Variants in DNAJB6 observed in about 807,000 individuals in gnomAD.
The protein encoded by DNAJB6 is DnaJ heat shock protein family (Hsp40) member B6, also known as dnaJ homolog subfamily B member 6.
In DNAJB6, 16 loss-of-function variants were observed where a neutral mutation model predicts 42.7. The ratio of observed to expected loss-of-function variants is 0.37; its 90% CI spans 0.25 to 0.57. The LOEUF is 0.57. Among genes scored for constraint, DNAJB6 ranks in the 20% least tolerant of loss-of-function variants. The pLI is 0.74. For missense variants in DNAJB6, 347 were observed against 416.8 expected (o/e 0.83, Z 1.46); for synonymous variants, 170 against 163.5 (o/e 1.04, Z -0.30).
At chr7:157,357,435 C>A (rs918152249) in intron 1 of DNAJB6, among the ~76,000 whole-genome samples, 3 of 150,602 alleles carry the variant, frequency 2.0e-5, no homozygotes, top group African/African-American at 7.3e-5. Context: ...CTTCAGCCTC[C>A]CGAGTAGCTG....
intron 1 of DNAJB6, among the ~76,000 whole-genome samples, chr7:157,355,696 C>A (rs929997539): frequency 1.3e-5 from 2 of 152,138 alleles, no homozygotes; most frequent in African/African-American, 4.8e-5. Context: ...GCAGGAGGAG[C>A]GCAGAGGTGA....
intron 9 of DNAJB6, chr7:157,411,363 T>C (rs548695985): frequency 2.3e-5 from 2 of 88,576 alleles, no homozygotes; most frequent in South Asian, 4.1e-4. Flanking sequence ...TGGGGAAGGT[T>C]CCCAGGATCC....
chr7:157,370,388 T>G (rs1315632285), intron 5 of DNAJB6, among the ~76,000 whole-genome samples: 1 of 152,214 alleles, frequency 6.6e-6, no homozygotes, highest in Non-Finnish European at 1.5e-5. Flanking sequence ...AGGACCTTCT[T>G]AACATTATTA....
intron 8 of DNAJB6, among the ~76,000 whole-genome samples, chr7:157,401,121 T>G (rs887167404): frequency 4.6e-5 from 7 of 152,244 alleles, no homozygotes; most frequent in Non-Finnish European, 1.0e-4. Context: ...CCTCACCTCC[T>G]GCAGGGCTTA....
chr7:157,338,620 C>T (rs955672077), intron 1 of DNAJB6, among the ~76,000 whole-genome samples: 11 of 152,010 alleles, frequency 7.2e-5, no homozygotes, highest in African/African-American at 2.7e-4. Context: ...AGGCGCGAGC[C>T]ACCGCGCCTC....
chr7:157,390,634 C>G (rs957001565), intron 8 of DNAJB6, among the ~76,000 whole-genome samples: 1 of 152,114 alleles, frequency 6.6e-6, no homozygotes, highest in African/African-American at 2.4e-5. Flanking sequence ...CCGTCTCACC[C>G]AGGGGATGTG....
At position 157,410,020 on chromosome 7, in the gene DNAJB6, C is replaced by T. The variant is rs1004291571; in HGVS notation, c.898+19C>T. ...GCAGCAGGTGTGCAAAGGGAGGCAGCCGTGGAGCAGGCGCAGAGTGAGACT... is the reference window on the plus strand; with the variant it reads ...GCAGCAGGTGTGCAAAGGGAGGCAGTCGTGGAGCAGGCGCAGAGTGAGACT... On this transcript the variant is annotated intron_variant, in intron 9 of 9. Transcript: ENST00000262177. 2 of 1,515,390 alleles carry T rather than the reference C, an allele frequency of 1.3e-6. No homozygotes were observed. The highest frequency in any genetic ancestry group is 1.4e-5 in the African/African-American group (1 of 72,564). 93.9% of individuals were successfully genotyped at this position (1,515,390 alleles called of 1,614,324 possible).
intron 5 of DNAJB6, 102 bp downstream of exon 5, chr7:157,367,585 G>A (rs975472142): frequency 3.8e-6 from 3 of 794,754 alleles, no homozygotes; most frequent in Middle Eastern, 2.3e-4. Flanking sequence ...TTTAGGCTGG[G>A]CGCGGTGGCT....
At chr7:157,352,619 G>T (rs1799051787) in intron 1 of DNAJB6, among the ~76,000 whole-genome samples, 1 of 152,058 alleles carries the variant, frequency 6.6e-6, no homozygotes, top group South Asian at 2.1e-4. Context: ...CATCGCTCCT[G>T]CCTGCTTTTC....
chr7:157,346,846 G>A (rs1206354906), intron 1 of DNAJB6, among the ~76,000 whole-genome samples: 1 of 152,142 alleles, frequency 6.6e-6, no homozygotes, highest in East Asian at 1.9e-4. Context: ...TAGACCTTCA[G>A]CTATTTTCTT....
At chr7:157,384,764 T>C (rs1387695610) in intron 6 of DNAJB6, 103 bp from the exon 7 acceptor site, 2 of 1,167,522 alleles carry the variant, frequency 1.7e-6, no homozygotes, top group Non-Finnish European at 2.5e-6. Context: ...CTCGGTTCTA[T>C]GCCTTAACAT....
In DNAJB6 at chr7:157,386,376, A is replaced by G. The variant is rs967587022; in HGVS notation, c.691+765A>G. 9.1e-5 allele frequency: 86 copies of G among 944,450 alleles called. 1 individual carries two copies. The highest frequency in any genetic ancestry group is 1.0e-4 in the Non-Finnish European group (83 of 792,876). The allele number at this position is 944,450 out of a possible 1,614,324, so 58.5% of individuals were successfully genotyped here. A position where few individuals can be genotyped will look rare whatever the true frequency, so the allele number is the denominator to read the frequency against. On this transcript the variant is annotated intron_variant, in intron 8 of 9. Transcript: ENST00000262177. ...TGCCTGGGCTTCTAGTGTCACTTTAATAGCGTTTCGTGCTGTTCATTCAGG... is the reference window on the plus strand; with the variant it reads ...TGCCTGGGCTTCTAGTGTCACTTTAGTAGCGTTTCGTGCTGTTCATTCAGG...
chr7:157,358,713 T>G, intron 2 of DNAJB6, 76 bp downstream of exon 2: 1 of 1,213,400 alleles, frequency 8.2e-7, no homozygotes, highest in Non-Finnish European at 1.2e-6. Context: ...CTTCTTCTAT[T>G]GCCTATGAAA....
At chr7:157,381,696 C>T (rs1016506905) in intron 5 of DNAJB6, 7 of 151,626 alleles carry the variant, frequency 4.6e-5, no homozygotes, top group African/African-American at 9.7e-5. Flanking sequence ...TTTCCTTTGC[C>T]GAGATTCATC....
rs750884224 is a variant in DNAJB6, at chr7:157,366,512, G to A, written c.186G>A (p.Arg62=). The change falls in exon 4 of 10, where the codon CGG becomes CGA. Residue 62 remains arginine, a synonymous_variant. Transcript: ENST00000262177. ...AYEVLSDAKK[R]DIYDKYGKEG... ...TCTTTCAATTTTTAGCTAAGAAACG[G>A]GACATCTATGACAAATATGGCAAAG... 2 of 1,613,842 alleles carry A rather than the reference G, an allele frequency of 1.2e-6. No individual in the cohort carries two copies. Among genetic ancestry groups the A allele is most frequent in the African/African-American group, 2.7e-5 (2 of 74,924 alleles).
At chr7:157,389,923 A>T (rs1801258259) in intron 8 of DNAJB6, among the ~76,000 whole-genome samples, 1 of 152,184 alleles carries the variant, frequency 6.6e-6, no homozygotes, top group African/African-American at 2.4e-5. Context: ...TGGCCTGGGC[A>T]AGTTGCACAC....
chr7:157,365,433 G>A (rs937554863), intron 3 of DNAJB6, among the ~76,000 whole-genome samples: 1 of 152,240 alleles, frequency 6.6e-6, no homozygotes, highest in African/African-American at 2.4e-5. Flanking sequence ...GGGTGAATGA[G>A]CCTGTAGGGT....
At position 157,369,864 on chromosome 7, in the gene DNAJB6, TCACATTATTATTAAACAGGCCCCTTCTC is replaced by T. The variant is rs765989592; in HGVS notation, c.346+2382_346+2409del. Among the ~76,000 whole-genome samples, 229 of 147,790 alleles carry T rather than the reference TCACATTATTATTAAACAGGCCCCTTCTC, an allele frequency of 1.5e-3. 4 individuals carry two copies. Among genetic ancestry groups the T allele is most frequent in the Admixed American group, 2.4e-3 (36 of 15,052 alleles). ...CGTTATTATTAAACGGGCCCCTTCT[TCACATTATTATTAAACAGGCCCCTTCTC>T]AACATTATTATTAAACAGGCCCCTT... On this transcript the variant is annotated intron_variant, in intron 5 of 9. Coordinates refer to ENST00000262177, the MANE Select transcript of DNAJB6 (RefSeq NM_058246.4).
At chr7:157,366,399 T>C in intron 3 of DNAJB6, 103 bp from the exon 4 acceptor site, 2 of 1,083,134 alleles carry the variant, frequency 1.8e-6, no homozygotes, top group Non-Finnish European at 2.8e-6. Flanking sequence ...GAAATTCAGT[T>C]GTAAAACATC....
Sources: allele counts gnomAD v4.1 joint callset (sites outside exome capture counted in the v4.1 genomes callset), GRCh38; gene constraint gnomAD v4.1.1; transcripts MANE v1.5; gene names NCBI Gene and HGNC (gene_info 2026-07-23, HGNC 2026-07-21).